TBC1D4: variants seen among roughly 807,000 people sequenced by gnomAD.
TBC1D4 encodes TBC (Tre-2, BUB2, CDC16) domain-containing protein.
TBC1D4 carries 121 observed loss-of-function variants against 142.5 expected under a neutral mutation model. The ratio of observed to expected loss-of-function variants is 0.85; its 90% CI spans 0.73 to 0.99. TBC1D4 has a LOEUF of 0.99. Ranked by LOEUF, TBC1D4 falls within the 50% of genes least tolerant of loss-of-function variation. The pLI, the probability that TBC1D4 is intolerant of heterozygous loss-of-function variation, is 0.00. For synonymous variants in TBC1D4, 630 were observed against 628.2 expected (o/e 1.00, Z -0.04); for missense variants, 1,475 against 1,606.6 (o/e 0.92, Z 1.40).
intron 1 of TBC1D4, among the ~76,000 whole-genome samples, chr13:75,410,774 A>G (rs1337050915): frequency 4.6e-5 from 7 of 151,048 alleles, no homozygotes; most frequent in Non-Finnish European, 3.0e-5. Flanking sequence ...GTCTCTACTA[A>G]AAATACAAAA....
At chr13:75,390,855 G>A (rs1156322914) in intron 1 of TBC1D4, among the ~76,000 whole-genome samples, 6 of 590 alleles carry the variant, frequency 0.01, no homozygotes, top group Admixed American at 0.071. Context: ...AGGGAGGGGA[G>A]GGGAGGGGAG....
At chr13:75,455,178 G>A (rs972883474) in intron 1 of TBC1D4, among the ~76,000 whole-genome samples, 5 of 151,944 alleles carry the variant, frequency 3.3e-5, no homozygotes, top group South Asian at 2.1e-4. Flanking sequence ...TAAATAAGTC[G>A]ATGAATTAAC....
chr13:75,319,377 T>C (rs1383194258), intron 12 of TBC1D4, among the ~76,000 whole-genome samples: 2 of 152,322 alleles, frequency 1.3e-5, no homozygotes, highest in East Asian at 3.9e-4. Flanking sequence ...GACAGTTATT[T>C]GCAGTGGTTG....
At position 75,302,260 on chromosome 13, in the gene TBC1D4, G is replaced by C. The variant is rs199525693; in HGVS notation, c.2894C>G (p.Ala965Gly). The C allele has an allele frequency of 3.7e-6, 6 of 1,614,142 alleles. No homozygotes were observed. The highest frequency in any genetic ancestry group is 5.1e-6 in the Non-Finnish European group (6 of 1,180,032). ...AAACATACCTAAATCCACGAGAATC[G>C]CATGCTGCTGAGCAGTGAGCTGCTT... Reference protein sequence around the residue: ...LLKQLTAQQHAILVDLGRTFP... With the variant: ...LLKQLTAQQHGILVDLGRTFP... The change falls in exon 16 of 21, where the codon GCG becomes GGG. Residue 965 changes from alanine to glycine, a missense_variant. This residue lies in a region of TBC1D4 where 1,227 missense variants were observed against 1,267.7 expected (regional missense o/e 0.97). Coordinates refer to ENST00000377636, the MANE Select transcript of TBC1D4 (RefSeq NM_014832.5).
chr13:75,313,442 T>C (rs908912860), intron 12 of TBC1D4, among the ~76,000 whole-genome samples: 1 of 152,212 alleles, frequency 6.6e-6, no homozygotes, highest in Non-Finnish European at 1.5e-5. Context: ...TTGGGATTAT[T>C]GGTAGGTGAT....
chr13:75,430,943 G>C (rs1383895838), intron 1 of TBC1D4, among the ~76,000 whole-genome samples: 1 of 152,132 alleles, frequency 6.6e-6, no homozygotes, highest in Non-Finnish European at 1.5e-5. Context: ...ACCATTCAGT[G>C]AAAGACAAGG....
chr13:75,440,907 G>A (rs529434299), intron 1 of TBC1D4, among the ~76,000 whole-genome samples: 3 of 152,078 alleles, frequency 2.0e-5, no homozygotes, highest in African/African-American at 7.2e-5. Context: ...TAAAAATTCA[G>A]TGAACATTTA....
chr13:75,401,148 G>A (rs1489291893), intron 1 of TBC1D4, among the ~76,000 whole-genome samples: 1 of 152,080 alleles, frequency 6.6e-6, no homozygotes, highest in Non-Finnish European at 1.5e-5. Flanking sequence ...TGAAAACAAG[G>A]AAAATATTTT....
intron 16 of TBC1D4, among the ~76,000 whole-genome samples, chr13:75,300,957 C>G (rs1876476296): frequency 6.6e-6 from 1 of 152,174 alleles, no homozygotes; most frequent in Non-Finnish European, 1.5e-5. Flanking sequence ...TTCAGTTTCT[C>G]TGTAAAATCC....
intron 1 of TBC1D4, among the ~76,000 whole-genome samples, chr13:75,433,201 T>A (rs1886660768): frequency 6.6e-6 from 1 of 152,148 alleles, no homozygotes; most frequent in Non-Finnish European, 1.5e-5. Context: ...ATCAGATCCA[T>A]CTCAGGTGCC....
chr13:75,408,801 T>G (rs767740918), intron 1 of TBC1D4, among the ~76,000 whole-genome samples: 4 of 152,216 alleles, frequency 2.6e-5, no homozygotes, highest in African/African-American at 7.2e-5. Flanking sequence ...ATGATTTTGA[T>G]TTTCACTTCT....
intron 1 of TBC1D4, among the ~76,000 whole-genome samples, chr13:75,467,254 T>C (rs1888206215): frequency 6.6e-6 from 1 of 152,224 alleles, no homozygotes; most frequent in Admixed American, 6.5e-5. Context: ...GTTGTGAAAC[T>C]GTCTATTTTC....
rs564191939 is a variant in TBC1D4 at position 75,476,037 on chromosome 13, G to A, written c.498+5233C>T. Among the ~76,000 whole-genome samples, 82 of 152,276 alleles carry A rather than the reference G, an allele frequency of 5.4e-4. 1 individual carries two copies. The highest frequency in any genetic ancestry group is 1.9e-3 in the African/African-American group (78 of 41,564). On this transcript the variant is annotated intron_variant, in intron 1 of 20. Coordinates refer to ENST00000377636, the MANE Select transcript of TBC1D4 (RefSeq NM_014832.5). Reference sequence around the variant, plus strand: ...GCGGGCAGATCACTTGAGGTCAGGAGTTTGAGACCAGCCTGGCCAATATGG... The same window carrying A: ...GCGGGCAGATCACTTGAGGTCAGGAATTTGAGACCAGCCTGGCCAATATGG...
chr13:75,468,516 T>A (rs1271027497), intron 1 of TBC1D4, among the ~76,000 whole-genome samples: 2 of 151,488 alleles, frequency 1.3e-5, no homozygotes, highest in East Asian at 3.9e-4. Context: ...AAACTTCCTA[T>A]GTTTTGATCA....
At chr13:75,320,754 G>A (rs1022405579) in intron 11 of TBC1D4, among the ~76,000 whole-genome samples, 6 of 151,624 alleles carry the variant, frequency 4.0e-5, no homozygotes, top group Non-Finnish European at 5.9e-5. Flanking sequence ...GCTGGGCGCG[G>A]TGCTCATGCC....
At chr13:75,440,739 CTTT>C (rs575270198) in intron 1 of TBC1D4, among the ~76,000 whole-genome samples, 2 of 139,542 alleles carry the variant, frequency 1.4e-5, no homozygotes, top group Admixed American at 7.1e-5. Context: ...TTATTTGTTT[CTTT>C]TTTTTTTTTT....
intron 5 of TBC1D4, among the ~76,000 whole-genome samples, chr13:75,344,260 A>T (rs1880971558): frequency 1.3e-5 from 2 of 152,256 alleles, no homozygotes. Context: ...TTTATTACTC[A>T]AGTGACTAAC....
intron 1 of TBC1D4, among the ~76,000 whole-genome samples, chr13:75,457,126 A>T (rs533982123): frequency 1.3e-5 from 2 of 152,300 alleles, no homozygotes; most frequent in Non-Finnish European, 2.9e-5. Context: ...CTAAGGGGGA[A>T]TGGGTATCAA....
rs1189292299 is a variant in TBC1D4, at chr13:75,386,390, TTC to T, written c.499-23785_499-23784del. Among the ~76,000 whole-genome samples the T allele has an allele frequency of 8.2e-4, 121 of 147,308 alleles. 1 individual carries two copies. Among genetic ancestry groups the T allele is most frequent in the African/African-American group, 2.8e-3 (113 of 39,656 alleles). On this transcript the variant is annotated intron_variant, in intron 1 of 20. Coordinates refer to ENST00000377636, the MANE Select transcript of TBC1D4 (RefSeq NM_014832.5). ...CAGATTTGCTATTTTCTTTTTCTTT[TTC>T]TTTTTTTTTTTTTTCAGATGGAGTC...
Sources: gnomAD v4.1 joint callset for allele counts (sites outside exome capture counted in the v4.1 genomes callset) on GRCh38, gnomAD v4.1.1 for gene constraint, gnomAD v4.1.1 regional missense constraint, MANE v1.5 for transcripts, NCBI Gene and HGNC (gene_info 2026-07-23, HGNC 2026-07-21) for gene names.